EML6: variants seen among roughly 807,000 people sequenced by gnomAD.
The protein encoded by EML6 is EMAP like 6.
In EML6, 154 loss-of-function variants were observed where a neutral mutation model predicts 240.1. That is an observed-to-expected ratio of 0.64 (90% confidence interval 0.56 to 0.73). The LOEUF is 0.73. Among genes scored for constraint, EML6 ranks in the 30% least tolerant of loss-of-function variants. EML6 has a pLI of 0.00. For missense variants in EML6, 2,964 were observed against 2,474.6 expected (o/e 1.20, Z -4.20); for synonymous variants, 1,148 against 899.0 (o/e 1.28, Z -4.95).
intron 35 of EML6, among the ~76,000 whole-genome samples, chr2:54,962,274 T>C (rs1277925950): frequency 6.6e-6 from 1 of 151,952 alleles, no homozygotes; most frequent in African/African-American, 2.4e-5. Context: ...TTTTGACCAT[T>C]TGTAAATATA....
intron 2 of EML6, among the ~76,000 whole-genome samples, chr2:54,811,456 A>ACTCCATCCTCCATCTTT (rs962512771): frequency 1.3e-5 from 2 of 151,956 alleles, no homozygotes; most frequent in African/African-American, 2.4e-5. Context: ...GCAGCTGGTC[A>ACTCCATCCTCCATCTTT]CTCCATCCTC....
intron 7 of EML6, among the ~76,000 whole-genome samples, chr2:54,836,418 C>G (rs140765493): frequency 6.6e-6 from 1 of 152,184 alleles, no homozygotes; most frequent in Admixed American, 6.5e-5. Flanking sequence ...TTGAAATGAG[C>G]AGAGATTTTG....
rs1669828376 is a variant in EML6 at position 54,847,500 on chromosome 2, C to T, written c.1064C>T (p.Ala355Val). 1 of 1,551,570 alleles carries T rather than the reference C, an allele frequency of 6.4e-7. No individual in the cohort carries two copies. Among genetic ancestry groups the T allele is most frequent in the Non-Finnish European group, 8.7e-7 (1 of 1,147,004 alleles). The change falls in exon 9 of 42, where the codon GCT becomes GTT. Residue 355 changes from alanine to valine, a missense_variant. Ala to Val is a moderately conservative substitution (Grantham distance 64). Coordinates refer to ENST00000356458, the MANE Select transcript of EML6 (RefSeq NM_001039753.4). ...DDRSVRLWSL[A>V]DHALIARCNM... ...CTTGTGCCTAGGCTGTGGAGCCTGG[C>T]TGATCATGCCTTGATCGCCCGCTGT...
At chr2:54,854,335 C>G (rs1433704284) in intron 11 of EML6, among the ~76,000 whole-genome samples, 2 of 152,114 alleles carry the variant, frequency 1.3e-5, no homozygotes, top group Admixed American at 6.5e-5. Context: ...ATTTACATAA[C>G]TGGTGAAATT....
chr2:54,842,825 T>C (rs1393530927), intron 7 of EML6, among the ~76,000 whole-genome samples: 2 of 152,200 alleles, frequency 1.3e-5, no homozygotes, highest in Admixed American at 1.3e-4. Context: ...GTGTGGACTT[T>C]AAAGGAGTAC....
Position 54,948,924 on chromosome 2 carries a change from G to A in EML6, c.4047G>A (p.Gln1349=). The A allele has an allele frequency of 6.4e-7, 1 of 1,551,544 alleles. No individual in the cohort carries two copies. The highest frequency in any genetic ancestry group is 8.7e-7 in the Non-Finnish European group (1 of 1,146,964). ...SRAAPQPEKL[Q]KNNITKKKKL... is the part of the protein sequence containing the mutation. ...CAGCTCCCCAGCCTGAGAAACTGCAGAAGAACAATATCACCAAAAAAAAGA... is the reference window on the plus strand; with the variant it reads ...CAGCTCCCCAGCCTGAGAAACTGCAAAAGAACAATATCACCAAAAAAAAGA... The change falls in exon 29 of 42, where the codon CAG becomes CAA. Residue 1349 remains glutamine (Q), a synonymous_variant. Coordinates refer to ENST00000356458, the MANE Select transcript of EML6 (RefSeq NM_001039753.4).
intron 25 of EML6, among the ~76,000 whole-genome samples, chr2:54,916,439 T>A (rs972097895): frequency 2.3e-4 from 35 of 152,222 alleles, no homozygotes; most frequent in African/African-American, 8.2e-4. Context: ...CGTTGGGGAA[T>A]CTGGATCCAG....
intron 10 of EML6, among the ~76,000 whole-genome samples, chr2:54,850,893 C>G (rs149001737): frequency 1.4e-3 from 217 of 152,262 alleles, no homozygotes; most frequent in African/African-American, 5.0e-3. Flanking sequence ...GAGCTACTTG[C>G]ATCAGTAGGG....
At position 54,967,010 on chromosome 2, in the gene EML6, G is replaced by A; in HGVS notation, c.5504G>A (p.Gly1835Asp). Reference protein sequence around the residue: ...ADGKYIQVSTGAYKRQVHEVP... With the variant: ...ADGKYIQVSTDAYKRQVHEVP... ...CCCTTCTACCTACAGGTGTCAACAG[G>A]TGCCTATAAGCGCCAGGTGCATGAG... Residue 1835 changes from glycine (G) to aspartate (D), a missense_variant, in exon 39 of 42, where the codon GGT (glycine) becomes GAT (aspartate). By Grantham distance (94) the Gly-to-Asp change is moderately conservative. Coordinates refer to ENST00000356458, the MANE Select transcript of EML6 (RefSeq NM_001039753.4). 1 of 1,550,652 alleles carries A rather than the reference G, an allele frequency of 6.4e-7. No individual in the cohort carries two copies. The highest frequency in any genetic ancestry group is 8.7e-7 in the Non-Finnish European group (1 of 1,146,206).
rs182673397 is a variant in EML6, at chr2:54,813,798, C to T, written c.357+407C>T. 1.2e-3 allele frequency among the ~76,000 whole-genome samples: 186 copies of T among 152,346 alleles called. 2 individuals are homozygous for T. The South Asian group carries it at 0.023, about 19-fold the overall frequency. The stretch of plus-strand genomic sequence containing the variant: ...TGCTTTCAAAAGATGACATCACCTC[C>T]TAATAATCCACTGAGAAGATTATCC... On this transcript the variant is annotated intron_variant, in intron 3 of 41. Coordinates refer to ENST00000356458, the MANE Select transcript of EML6 (RefSeq NM_001039753.4).
At chr2:54,875,587 T>G (rs979456564) in intron 16 of EML6, among the ~76,000 whole-genome samples, 1 of 152,232 alleles carries the variant, frequency 6.6e-6, no homozygotes. Flanking sequence ...CACAGTTATG[T>G]GTGAGGATTT....
At chr2:54,847,727 G>C (rs2103718423) in intron 9 of EML6, 104 bp downstream of exon 9, 1 of 1,296,270 alleles carries the variant, frequency 7.7e-7, no homozygotes, top group Admixed American at 2.3e-5. Context: ...AATCCATTTA[G>C]CCATTCAAAT....
At chr2:54,952,912 C>T (rs748318407) in intron 31 of EML6, among the ~76,000 whole-genome samples, 1 of 152,100 alleles carries the variant, frequency 6.6e-6, no homozygotes, top group South Asian at 2.1e-4. Flanking sequence ...GCCTGAGAGT[C>T]CAAATAAACG....
chr2:54,899,730 C>G lies in EML6; in HGVS notation c.3072C>G (p.Ile1024Met), dbSNP rs992259552. The change falls in exon 22 of 42, where the codon ATC becomes ATG. Residue 1024 changes from isoleucine to methionine, a missense_variant. By Grantham distance (10) the Ile-to-Met change is conservative. Transcript: ENST00000356458. ...ATVSDDKTLR[I>M]WELSAQHRML... Reference sequence around the variant, plus strand: ...TGAGCGATGATAAAACACTTCGCATCTGGGAACTATCTGCCCAGCACCGTA... The same window carrying G: ...TGAGCGATGATAAAACACTTCGCATGTGGGAACTATCTGCCCAGCACCGTA... 1 of 1,551,992 alleles carries G rather than the reference C, an allele frequency of 6.4e-7. No individual in the cohort carries two copies. Among genetic ancestry groups the G allele is most frequent in the Non-Finnish European group, 8.7e-7 (1 of 1,147,102 alleles).
chr2:54,864,546 G>T (rs1670862939), intron 13 of EML6, among the ~76,000 whole-genome samples: 1 of 152,176 alleles, frequency 6.6e-6, no homozygotes, highest in South Asian at 2.1e-4. Flanking sequence ...AACCATGGGG[G>T]TTCTCTTTTT....
chr2:54,964,774 A>T, intron 38 of EML6, 41 bp downstream of exon 38: 1 of 1,538,690 alleles, frequency 6.5e-7, no homozygotes, highest in Non-Finnish European at 8.8e-7. Context: ...AACCAATAAT[A>T]ACAGCAGTAA....
intron 10 of EML6, among the ~76,000 whole-genome samples, chr2:54,850,630 AG>A: frequency 6.6e-6 from 1 of 152,220 alleles, no homozygotes; most frequent in East Asian, 1.9e-4. Context: ...ATAAAAGACT[AG>A]GAATCAGGGA....
chr2:54,970,269 T>A lies in EML6; in HGVS notation c.*174T>A. ...ACAACTGCTCCCATAATCTGGACTC[T>A]CCAAAACCGTGATGCCACGAAGGAA... is the stretch of plus-strand genomic sequence containing the variant. On this transcript the variant is annotated 3_prime_UTR_variant, in exon 42 of 42. Transcript: ENST00000356458. 1.5e-6 allele frequency: 1 copy of A among 657,018 alleles called. No individual in the cohort carries two copies. The highest frequency in any genetic ancestry group is 2.7e-6 in the Non-Finnish European group (1 of 375,776). 40.7% of individuals were successfully genotyped at this position (657,018 alleles called of 1,614,324 possible).
intron 9 of EML6, 118 bp downstream of exon 9, chr2:54,847,741 A>ATCGTAGATCT: frequency 1.8e-4 from 182 of 1,036,680 alleles, no homozygotes; most frequent in Middle Eastern, 5.6e-4. Context: ...TTCAAATAGG[A>ATCGTAGATCT]ATACTATAGA....
Sources: allele counts gnomAD v4.1 joint callset (sites outside exome capture counted in the v4.1 genomes callset), GRCh38; gene constraint gnomAD v4.1.1; transcripts MANE v1.5; gene names NCBI Gene and HGNC (gene_info 2026-07-23, HGNC 2026-07-21).